Variants in KLHL4 observed in about 807,000 individuals in gnomAD.
KLHL4 encodes the protein kelch like family member 4.
In KLHL4, 17 loss-of-function variants were observed where a neutral mutation model predicts 45.8. That is an observed-to-expected ratio of 0.37 (90% confidence interval 0.25 to 0.56). The LOEUF (loss-of-function observed/expected upper bound fraction) is 0.56, where lower values mean the gene tolerates loss of function less well. KLHL4 is among the 20% of genes least tolerant of loss of function. The pLI, the probability that KLHL4 is intolerant of heterozygous loss-of-function variation, is 0.79. For missense variants in KLHL4, 544 were observed against 544.9 expected (o/e 1.00, Z 0.02); for synonymous variants, 224 against 189.9 (o/e 1.18, Z -1.47).
intron 1 of KLHL4, among the ~76,000 whole-genome samples, chrX:87,567,366 T>C (rs1602420759): frequency 9.0e-6 from 1 of 111,680 alleles, no homozygotes; most frequent in East Asian, 2.9e-4. Flanking sequence ...TTCTGGTGAG[T>C]ATATAAAGTA....
chrX:87,642,459 C>T (rs746299285), intron 9 of KLHL4, among the ~76,000 whole-genome samples: 45 of 112,080 alleles, frequency 4.0e-4, no homozygotes, highest in Non-Finnish European at 7.5e-4. Context: ...AGAAAACCAA[C>T]CCTGCCTAGT....
intron 1 of KLHL4, among the ~76,000 whole-genome samples, chrX:87,592,309 A>G (rs6617450): frequency 0.25 from 27,324 of 111,005 alleles, 2,843 homozygotes; most frequent in East Asian, 0.51. Context: ...GTGAACAGTG[A>G]TGCCATAAAC....
intron 1 of KLHL4, among the ~76,000 whole-genome samples, chrX:87,533,084 G>C (rs1236159124): frequency 2.8e-5 from 3 of 107,464 alleles, no homozygotes; most frequent in Non-Finnish European, 3.8e-5. Flanking sequence ...GGAGAAATAA[G>C]AACACTTTTA....
At chrX:87,658,287 CCT>C in intron 9 of KLHL4, among the ~76,000 whole-genome samples, 1 of 111,803 alleles carries the variant, frequency 8.9e-6, no homozygotes, top group African/African-American at 3.3e-5. Context: ...CATGGGGACT[CCT>C]CTCCTGTTTG....
chrX:87,656,424 G>T, intron 9 of KLHL4, among the ~76,000 whole-genome samples: 1 of 108,919 alleles, frequency 9.2e-6, no homozygotes, highest in Non-Finnish European at 1.9e-5. Flanking sequence ...AAATTAAAAA[G>T]TACTGTCTTC....
intron 1 of KLHL4, among the ~76,000 whole-genome samples, chrX:87,552,407 G>A: frequency 9.0e-6 from 1 of 110,889 alleles, no homozygotes; most frequent in Non-Finnish European, 1.9e-5. Flanking sequence ...AACAGCAGAT[G>A]TTGGCATTGA....
Position 87,518,066 on chromosome X carries a change from A to G in KLHL4, c.173A>G (p.Asp58Gly). ...GGCAGGTTGAAGAGCCACTCTCGGG[A>G]CAGAAACGGACTGAAGAAAAGCAAC... Reference protein sequence around the residue: ...VQGRLKSHSRDRNGLKKSNSP... With the variant: ...VQGRLKSHSRGRNGLKKSNSP... Residue 58 changes from aspartate to glycine, a missense_variant, in exon 1 of 11, where the codon GAC (aspartate) becomes GGC (glycine). Physicochemically the swap from Asp to Gly is moderately conservative, Grantham distance 94. Coordinates refer to ENST00000373119, the MANE Select transcript of KLHL4 (RefSeq NM_019117.5). 1.7e-6 allele frequency: 2 copies of G among 1,211,704 alleles called. No homozygotes were observed. Among genetic ancestry groups the G allele is most frequent in the South Asian group, 1.8e-5 (1 of 56,979 alleles).
chrX:87,539,051 T>TA (rs1931495914), intron 1 of KLHL4, among the ~76,000 whole-genome samples: 1 of 111,660 alleles, frequency 9.0e-6, no homozygotes, highest in Non-Finnish European at 1.9e-5. Context: ...GCATAGAAGA[T>TA]AAAATAATTT....
At chrX:87,593,260 T>TGAAAGTG (rs1404206602) in intron 1 of KLHL4, among the ~76,000 whole-genome samples, 3 of 111,765 alleles carry the variant, frequency 2.7e-5, no homozygotes, top group African/African-American at 9.7e-5. Context: ...TGAATATTTC[T>TGAAAGTG]TCTAATATTC....
intron 1 of KLHL4, among the ~76,000 whole-genome samples, chrX:87,594,849 T>A (rs1379999742): frequency 9.0e-6 from 1 of 111,568 alleles, no homozygotes; most frequent in Non-Finnish European, 1.9e-5. Flanking sequence ...TCTTGTTTGT[T>A]CTATGCTAAA....
chrX:87,596,834 G>A (rs753541443), intron 1 of KLHL4, among the ~76,000 whole-genome samples: 83 of 112,352 alleles, frequency 7.4e-4, no homozygotes, highest in African/African-American at 1.5e-3. Flanking sequence ...CTGGGATATC[G>A]CAAAGGATAT....
At chrX:87,519,372 A>G (rs757995666) in intron 1 of KLHL4, among the ~76,000 whole-genome samples, 3 of 112,184 alleles carry the variant, frequency 2.7e-5, no homozygotes, top group Non-Finnish European at 3.8e-5. Flanking sequence ...GCTTCTTAAT[A>G]TAAGTTTTCC....
rs1194101589 is a variant in KLHL4 at position 87,669,380 on chromosome X, A to AC, written c.*2847dup. ...CTATACCACACAGAAGCTGAAAGAG[A>AC]CTCTGGGGCACTAAATTCAGATCCT... On this transcript the variant is annotated 3_prime_UTR_variant, in exon 11 of 11. Transcript: ENST00000373119. 2 of 1,207,855 alleles carry AC rather than the reference A, an allele frequency of 1.7e-6. No individual in the cohort carries two copies. The highest frequency in any genetic ancestry group is 2.2e-6 in the Non-Finnish European group (2 of 892,998).
intron 1 of KLHL4, among the ~76,000 whole-genome samples, chrX:87,531,680 C>T (rs1234499245): frequency 1.9e-5 from 2 of 104,302 alleles, no homozygotes; most frequent in African/African-American, 7.0e-5. Flanking sequence ...TATTCTTATA[C>T]ACCAATAACA....
intron 9 of KLHL4, among the ~76,000 whole-genome samples, chrX:87,660,238 G>C (rs972602148): frequency 3.6e-5 from 4 of 111,323 alleles, no homozygotes; most frequent in African/African-American, 9.8e-5. Flanking sequence ...GACTACCAGA[G>C]AATGTACACA....
intron 1 of KLHL4, among the ~76,000 whole-genome samples, chrX:87,565,411 T>C (rs1932185464): frequency 9.0e-6 from 1 of 111,115 alleles, no homozygotes; most frequent in Admixed American, 9.6e-5. Flanking sequence ...CAAGTTAATA[T>C]GAGAGGCCTT....
chrX:87,557,875 T>C (rs970418943), intron 1 of KLHL4, among the ~76,000 whole-genome samples: 1 of 111,789 alleles, frequency 8.9e-6, no homozygotes, highest in African/African-American at 3.2e-5. Flanking sequence ...TAAGGGATCA[T>C]GCCCTTCCAT....
At chrX:87,559,795 ATAATC>A (rs202003073) in intron 1 of KLHL4, among the ~76,000 whole-genome samples, 24,403 of 110,430 alleles carry the variant, frequency 0.22, 2,059 homozygotes, top group Non-Finnish European at 0.26. Context: ...ACTAATAACT[ATAATC>A]TAAGATGGAA....
intron 1 of KLHL4, among the ~76,000 whole-genome samples, chrX:87,521,626 G>C (rs1482529000): frequency 9.0e-6 from 1 of 111,625 alleles, no homozygotes; most frequent in African/African-American, 3.3e-5. Flanking sequence ...TATTTGAGTA[G>C]ATATTTAAAT....
Sources: allele counts gnomAD v4.1 joint callset (sites outside exome capture counted in the v4.1 genomes callset), GRCh38; gene constraint gnomAD v4.1.1; transcripts MANE v1.5; gene names NCBI Gene and HGNC (gene_info 2026-07-23, HGNC 2026-07-21).